The following ITGAM variants were observed in gnomAD, a reference collection of about 807,000 sequenced individuals.
ITGAM encodes integrin alpha-M.
In ITGAM, 79 loss-of-function variants were observed where a neutral mutation model predicts 137.5. That is an observed-to-expected ratio of 0.57 (90% CI 0.48 to 0.69). The LOEUF is 0.69. ITGAM is among the 30% of genes least tolerant of loss of function. The pLI is 0.00. For missense variants in ITGAM, 1,343 were observed against 1,483.5 expected (o/e 0.91, Z 1.56); for synonymous variants, 583 against 592.3 (o/e 0.98, Z 0.23).
intron 21 of ITGAM, among the ~76,000 whole-genome samples, chr16:31,326,580 C>G (rs1209919609): frequency 6.6e-6 from 1 of 152,048 alleles, no homozygotes; most frequent in African/African-American, 2.4e-5. Flanking sequence ...CCACACCCAG[C>G]TAATTTTTGT....
rs570000210 is a variant in ITGAM, at chr16:31,324,922, CT to C, written c.2290-33del. ...TAATTTCACAATACTTGGTTATTTTCTTTCCTTTCATTTGATCATATTTATT... is the reference window on the plus strand; with the variant it reads ...TAATTTCACAATACTTGGTTATTTTCTTCCTTTCATTTGATCATATTTATT... On this transcript the variant is annotated intron_variant, in intron 18 of 29. Coordinates refer to ENST00000544665, the MANE Select transcript of ITGAM (RefSeq NM_000632.4). This position sits in a 1 kb window ranked among gnomAD's most constrained non-coding sequence, Gnocchi z 4.5. The C allele has an allele frequency of 8.2e-4, 1,038 of 1,261,886 alleles. 2 individuals are homozygous for C. Among genetic ancestry groups the C allele is most frequent in the Non-Finnish European group, 1.0e-3 (884 of 881,772 alleles). The allele number at this position is 1,261,886 out of a possible 1,614,324, so 78.2% of individuals were successfully genotyped here. A position where few individuals can be genotyped will look rare whatever the true frequency, so the allele number is the denominator to read the frequency against.
chr16:31,272,430 T>TATATATATATATAC (rs2079851841), intron 7 of ITGAM, among the ~76,000 whole-genome samples: 1 of 5,678 alleles, frequency 1.8e-4, no homozygotes, highest in African/African-American at 6.2e-4. Context: ...TAACTATATA[T>TATATATATATATAC]ATATATATAT....
chr16:31,315,995 C>G (rs1328658284), intron 14 of ITGAM, among the ~76,000 whole-genome samples: 1 of 147,956 alleles, frequency 6.8e-6, no homozygotes. Context: ...GAAATCGAGA[C>G]CGTCATGGCT....
chr16:31,281,817 G>T (rs1457445122), intron 12 of ITGAM, among the ~76,000 whole-genome samples: 1 of 152,132 alleles, frequency 6.6e-6, no homozygotes, highest in Non-Finnish European at 1.5e-5. Flanking sequence ...ATTTTAAGGT[G>T]TCAATTTTAG....
intron 12 of ITGAM, among the ~76,000 whole-genome samples, chr16:31,291,408 C>A (rs917118262): frequency 6.6e-6 from 1 of 152,110 alleles, no homozygotes; most frequent in Non-Finnish European, 1.5e-5. Context: ...TCTTGAGGAG[C>A]CTCCATATTG....
intron 14 of ITGAM, among the ~76,000 whole-genome samples, chr16:31,298,268 C>T (rs1044538416): frequency 6.6e-6 from 1 of 150,586 alleles, no homozygotes; most frequent in African/African-American, 2.5e-5. Flanking sequence ...GTCCCAGCTA[C>T]TCTGGAGGCT....
chr16:31,308,740 T>C (rs966749538), intron 14 of ITGAM, among the ~76,000 whole-genome samples: 7 of 152,262 alleles, frequency 4.6e-5, no homozygotes, highest in Non-Finnish European at 8.8e-5. Flanking sequence ...TTAATTGCGA[T>C]GTTAGGGTGT....
intron 12 of ITGAM, among the ~76,000 whole-genome samples, chr16:31,294,838 A>G (rs1028091405): frequency 6.6e-6 from 1 of 152,112 alleles, no homozygotes; most frequent in Non-Finnish European, 1.5e-5. Context: ...GTTTTCTTCT[A>G]GTAGTTTTAC....
rs2080599371 is a variant in ITGAM, at chr16:31,332,342, C to CA, written c.*636dup. On this transcript the variant is annotated 3_prime_UTR_variant, in exon 30 of 30. Coordinates refer to ENST00000544665, the MANE Select transcript of ITGAM (RefSeq NM_000632.4). Reference sequence around the variant, plus strand: ...TGGGTGGAACCAGGAACCTCCTCCACACCAGCGCTGATGCCCAATAAAGAT... The same window carrying CA: ...TGGGTGGAACCAGGAACCTCCTCCACAACCAGCGCTGATGCCCAATAAAGAT... 6.6e-6 allele frequency: 1 copy of CA among 152,294 alleles called. No individual in the cohort carries two copies. The highest frequency in any genetic ancestry group is 1.9e-4 in the East Asian group (1 of 5,202). The allele number at this position is 152,294 out of a possible 1,614,324, so 9.4% of individuals were successfully genotyped here. A position where few individuals can be genotyped will look rare whatever the true frequency, so the allele number is the denominator to read the frequency against.
chr16:31,263,034 T>C (rs1424248011), intron 2 of ITGAM, among the ~76,000 whole-genome samples: 1 of 152,184 alleles, frequency 6.6e-6, no homozygotes, highest in African/African-American at 2.4e-5. Context: ...TTCTGCCTCC[T>C]GGGTTCAATC....
At chr16:31,329,068 T>C (rs1438066894) in intron 23 of ITGAM, 160 bp from the exon 24 acceptor site, 6 of 551,174 alleles carry the variant, frequency 1.1e-5, no homozygotes, top group African/African-American at 1.9e-5. Context: ...CCAGCACACA[T>C]TGGTTCCCCC....
rs1421092386 is a variant in ITGAM at position 31,328,171 on chromosome 16, C to T, written c.2733C>T (p.Asn911=). The T allele has an allele frequency of 3.7e-6, 6 of 1,613,972 alleles. No individual in the cohort carries two copies. The highest frequency in any genetic ancestry group is 5.1e-6 in the Non-Finnish European group (6 of 1,179,858). The change falls in exon 23 of 30, where the codon AAC becomes AAT. Residue 911 remains asparagine, a synonymous_variant. Coordinates refer to ENST00000544665, the MANE Select transcript of ITGAM (RefSeq NM_000632.4). ...VTSENNMPRT[N]KTEFQLELPV... is the part of the protein sequence containing the mutation. ...GTGAGAACAACATGCCCAGAACCAACAAAACCGAATTCCAACTGGAGCTGC... is the reference window on the plus strand; with the variant it reads ...GTGAGAACAACATGCCCAGAACCAATAAAACCGAATTCCAACTGGAGCTGC...
intron 14 of ITGAM, among the ~76,000 whole-genome samples, chr16:31,312,724 C>T (rs944846079): frequency 6.6e-6 from 1 of 152,102 alleles, no homozygotes; most frequent in Non-Finnish European, 1.5e-5. Context: ...CCACTGCACT[C>T]AGCCGGACTA....
In ITGAM at chr16:31,328,262, C is replaced by T. The variant is rs2080529554; in HGVS notation, c.2792+32C>T. On this transcript the variant is annotated intron_variant, in intron 23 of 29. Coordinates refer to ENST00000544665, the MANE Select transcript of ITGAM (RefSeq NM_000632.4). ...GCTTCCAGGACTTTAGCTGAGCCTC[C>T]ACTTCTGGGCTGGACATGGCTGATT... 2.0e-6 allele frequency: 3 copies of T among 1,521,680 alleles called. No homozygotes were observed. In the East Asian group the frequency reaches 6.8e-5, roughly 34 times the overall value. 94.3% of individuals were successfully genotyped at this position (1,521,680 alleles called of 1,614,324 possible).
chr16:31,302,454 CCTTCCTTTCTTTCT>C (rs2080212887), intron 14 of ITGAM, among the ~76,000 whole-genome samples: 1 of 91,936 alleles, frequency 1.1e-5, no homozygotes, highest in African/African-American at 5.4e-5. Context: ...TTTCTTTCTT[CCTTCCTTTCTTTCT>C]TTCTTTCTTT....
chr16:31,297,758 A>T lies in ITGAM; in HGVS notation c.1511A>T (p.Gln504Leu). ...CPLPRGRARW[Q>L]CDAVLYGEQG... Reference sequence around the variant, plus strand: ...TGTGTTTAGCAGAGGGCTCGGTGGCAGTGTGATGCTGTTCTCTACGGGGAG... The same window carrying T: ...TGTGTTTAGCAGAGGGCTCGGTGGCTGTGTGATGCTGTTCTCTACGGGGAG... The change falls in exon 14 of 30, where the codon CAG becomes CTG. Residue 504 changes from glutamine to leucine, a missense_variant. Physicochemically the swap from Gln to Leu is moderately radical, Grantham distance 113. Transcript: ENST00000544665. 1 of 1,594,972 alleles carries T rather than the reference A, an allele frequency of 6.3e-7. No individual in the cohort carries two copies. Among genetic ancestry groups the T allele is most frequent in the Non-Finnish European group, 8.5e-7 (1 of 1,172,518 alleles).
chr16:31,273,861 C>A (rs999449011), intron 8 of ITGAM, among the ~76,000 whole-genome samples: 2 of 152,184 alleles, frequency 1.3e-5, no homozygotes, highest in African/African-American at 4.8e-5. Flanking sequence ...TCTGCTGGAC[C>A]AGATGGCCTT....
intron 14 of ITGAM, among the ~76,000 whole-genome samples, chr16:31,315,258 C>T (rs1409126834): frequency 1.3e-5 from 2 of 151,936 alleles, no homozygotes; most frequent in African/African-American, 4.8e-5. Flanking sequence ...TTAATTATTC[C>T]TTTATTGTGC....
Position 31,331,722 on chromosome 16 carries a change from C to A in ITGAM, c.*15C>A. The A allele has an allele frequency of 6.3e-7, 1 of 1,580,798 alleles. No individual in the cohort carries two copies. The highest frequency in any genetic ancestry group is 8.6e-7 in the Non-Finnish European group (1 of 1,162,544). Reference sequence around the variant, plus strand: ...AACCCCAGTAGCGGCTCCTTCCCGACAGAGCTGCCTCTCGGTGGCCAGCAG... The same window carrying A: ...AACCCCAGTAGCGGCTCCTTCCCGAAAGAGCTGCCTCTCGGTGGCCAGCAG... On this transcript the variant is annotated 3_prime_UTR_variant, in exon 30 of 30. Transcript: ENST00000544665.
Sources: gnomAD v4.1 joint callset for allele counts (sites outside exome capture counted in the v4.1 genomes callset) on GRCh38, gnomAD v4.1.1 for gene constraint, Gnocchi (gnomAD v3.1) non-coding constraint, MANE v1.5 for transcripts, NCBI Gene and HGNC (gene_info 2026-07-23, HGNC 2026-07-21) for gene names.